Variants in THSD7A observed in about 807,000 individuals in gnomAD.
The protein encoded by THSD7A is thrombospondin type 1 domain containing 7A, also known as thrombospondin type-1 domain-containing protein 7A.
THSD7A carries 96 observed loss-of-function variants against 231.3 expected under a neutral mutation model. The ratio of observed to expected loss-of-function variants is 0.41; its 90% confidence interval spans 0.35 to 0.49. THSD7A has a LOEUF of 0.49. Among genes scored for constraint, THSD7A ranks in the 20% least tolerant of loss-of-function variants. The pLI is 0.05. For missense variants in THSD7A, 2,290 were observed against 2,070.2 expected (o/e 1.11, Z -2.06); for synonymous variants, 940 against 743.3 (o/e 1.26, Z -4.30).
intron 1 of THSD7A, among the ~76,000 whole-genome samples, chr7:11,650,109 C>A (rs978437790): frequency 3.3e-5 from 5 of 152,084 alleles, no homozygotes; most frequent in African/African-American, 1.2e-4. Context: ...ATCTGCATAT[C>A]AAGTGTCAAA....
chr7:11,756,932 T>C (rs551677932), intron 1 of THSD7A, among the ~76,000 whole-genome samples: 5 of 152,180 alleles, frequency 3.3e-5, no homozygotes, highest in African/African-American at 9.6e-5. Context: ...TCTTTAGTTA[T>C]TGCATGCTGA....
intron 1 of THSD7A, among the ~76,000 whole-genome samples, chr7:11,808,883 G>T (rs1444059137): frequency 6.6e-6 from 1 of 151,922 alleles, no homozygotes; most frequent in East Asian, 1.9e-4. Context: ...AATAAAAAAG[G>T]TAATGACCTA....
At chr7:11,438,725 G>A (rs1410216291) in intron 13 of THSD7A, among the ~76,000 whole-genome samples, 1 of 151,948 alleles carries the variant, frequency 6.6e-6, no homozygotes, top group Non-Finnish European at 1.5e-5. Context: ...CTTTCTGAAT[G>A]CCAGTATGAT....
intron 23 of THSD7A, chr7:11,383,746 G>A (rs1782618154): frequency 6.6e-6 from 1 of 151,958 alleles, no homozygotes; most frequent in Admixed American, 6.6e-5. Flanking sequence ...TGGTATGCAA[G>A]CTGCTTATTT....
In THSD7A at chr7:11,428,990, T is replaced by C; in HGVS notation, c.3200A>G (p.Tyr1067Cys). Residue 1067 changes from tyrosine to cysteine, a missense_variant, in exon 14 of 28, where the codon TAT (tyrosine) becomes TGT (cysteine). Physicochemically the swap from Tyr to Cys is radical, Grantham distance 194 (BLOSUM62 -2). Transcript: ENST00000423059. ...TTTGGGGCAAGGCCTTCCTCCATTA[T>C]ATGGTTTTTCACGCAGCCATTTAGA... ...VRSKWLREKPYNGGRPCPKLD... is the reference protein window; with the variant it reads ...VRSKWLREKPCNGGRPCPKLD... 2 of 1,612,946 alleles carry C rather than the reference T, an allele frequency of 1.2e-6. No homozygotes were observed. The highest frequency in any genetic ancestry group is 1.7e-6 in the Non-Finnish European group (2 of 1,179,468).
At chr7:11,701,272 A>G (rs1156572204) in intron 1 of THSD7A, among the ~76,000 whole-genome samples, 2 of 151,220 alleles carry the variant, frequency 1.3e-5, no homozygotes, top group Non-Finnish European at 3.0e-5. Flanking sequence ...GCTTTTATAT[A>G]CAATTCATTT....
At chr7:11,420,315 C>T (rs1784101374) in intron 16 of THSD7A, among the ~76,000 whole-genome samples, 1 of 152,198 alleles carries the variant, frequency 6.6e-6, no homozygotes, top group Non-Finnish European at 1.5e-5. Context: ...GGCTCCACTG[C>T]TCTGTGCAGC....
At chr7:11,611,823 CACACACACT>C (rs1484161818) in intron 2 of THSD7A, among the ~76,000 whole-genome samples, 1 of 131,160 alleles carries the variant, frequency 7.6e-6, no homozygotes, top group Non-Finnish European at 1.7e-5. Flanking sequence ...CACACACACA[CACACACACT>C]ATCATCTGTC....
chr7:11,409,234 G>A (rs1783694385), intron 19 of THSD7A, among the ~76,000 whole-genome samples: 1 of 151,756 alleles, frequency 6.6e-6, no homozygotes, highest in African/African-American at 2.4e-5. Flanking sequence ...TGCTAGTTAG[G>A]TTTAACTCTA....
intron 4 of THSD7A, among the ~76,000 whole-genome samples, chr7:11,543,675 C>T (rs1027886864): frequency 1.3e-5 from 2 of 152,142 alleles, no homozygotes; most frequent in African/African-American, 4.8e-5. Context: ...GAATTATTTC[C>T]AAAATGTCTA....
intron 16 of THSD7A, among the ~76,000 whole-genome samples, chr7:11,424,113 C>G (rs1382092810): frequency 6.6e-6 from 1 of 152,094 alleles, no homozygotes; most frequent in African/African-American, 2.4e-5. Flanking sequence ...TAGCTGCCAG[C>G]CACATGTGGC....
intron 13 of THSD7A, among the ~76,000 whole-genome samples, chr7:11,438,503 C>T (rs1213108134): frequency 2.0e-5 from 3 of 151,780 alleles, no homozygotes; most frequent in African/African-American, 7.3e-5. Flanking sequence ...TCATTAATGT[C>T]CAGAAAGTCC....
At chr7:11,430,940 ATGC>A (rs1267367268) in intron 13 of THSD7A, among the ~76,000 whole-genome samples, 1 of 152,200 alleles carries the variant, frequency 6.6e-6, no homozygotes, top group Non-Finnish European at 1.5e-5. Context: ...ATCATGAATA[ATGC>A]TGCTATGAAC....
At chr7:11,470,029 A>C (rs1421807174) in intron 8 of THSD7A, 35 bp from the exon 9 acceptor site, 1 of 1,363,412 alleles carries the variant, frequency 7.3e-7, no homozygotes, top group African/African-American at 1.4e-5. Flanking sequence ...AGGCTTCAAT[A>C]GTAAAGCAGA....
chr7:11,386,794 G>A (rs1394370694), intron 23 of THSD7A, among the ~76,000 whole-genome samples: 3 of 152,158 alleles, frequency 2.0e-5, no homozygotes, highest in African/African-American at 7.2e-5. Flanking sequence ...CCATGCCTAT[G>A]TCCTGAATAG....
In THSD7A at chr7:11,637,048, T is replaced by C. The variant is rs963528454; in HGVS notation, c.191-87A>G. The C allele has an allele frequency of 3.2e-6, 4 of 1,240,576 alleles. No homozygotes were observed. Among genetic ancestry groups the C allele is most frequent in the Admixed American group, 4.5e-5 (2 of 44,726 alleles). 76.8% of individuals were successfully genotyped at this position (1,240,576 alleles called of 1,614,324 possible). A position where few individuals can be genotyped will look rare whatever the true frequency, so the allele number is the denominator to read the frequency against. The stretch of plus-strand genomic sequence containing the variant: ...CATTCCAGAAAGACCTTTCAAGACC[T>C]AGTACATTAACTTCCCTGCGGTGTT... On this transcript the variant is annotated intron_variant, in intron 1 of 27. Coordinates refer to ENST00000423059, the MANE Select transcript of THSD7A (RefSeq NM_015204.3). The surrounding 1 kb of genome is among the most constrained non-coding windows in gnomAD (Gnocchi z 4.2).
intron 1 of THSD7A, among the ~76,000 whole-genome samples, chr7:11,769,153 A>ATATATTTTTTTTTTTTTTTTTTTTTT: frequency 3.6e-5 from 1 of 27,662 alleles, no homozygotes; most frequent in Non-Finnish European, 7.0e-5. Flanking sequence ...ATATATATAT[A>ATATATTTTTTTTTTTTTTTTTTTTTT]TTTTTTTTTT....
chr7:11,544,183 A>T (rs1192778702), intron 4 of THSD7A, among the ~76,000 whole-genome samples: 1 of 152,108 alleles, frequency 6.6e-6, no homozygotes, highest in Non-Finnish European at 1.5e-5. Flanking sequence ...CTCTACTAAA[A>T]ATACAAAAAT....
At chr7:11,822,828 A>G (rs1784913193) in intron 1 of THSD7A, among the ~76,000 whole-genome samples, 1 of 151,964 alleles carries the variant, frequency 6.6e-6, no homozygotes, top group South Asian at 2.1e-4. Context: ...GTATATTACA[A>G]TATCTAGTAT....
Sources: gnomAD v4.1 joint callset for allele counts (sites outside exome capture counted in the v4.1 genomes callset) on GRCh38, gnomAD v4.1.1 for gene constraint, Gnocchi (gnomAD v3.1) non-coding constraint, MANE v1.5 for transcripts, NCBI Gene and HGNC (gene_info 2026-07-23, HGNC 2026-07-21) for gene names.